Variants in PIK3R3 observed in about 807,000 individuals in gnomAD.
PIK3R3 encodes phosphatidylinositol 3-kinase regulatory subunit gamma.
Under a neutral mutation model 62.9 loss-of-function variants are expected in PIK3R3, and 64 were observed. That is an observed-to-expected ratio of 1.02 (90% confidence interval 0.83 to 1.25). The LOEUF (loss-of-function observed/expected upper bound fraction) is 1.25, where lower values mean the gene tolerates loss of function less well. PIK3R3 is among the 50% of genes most tolerant of loss of function. PIK3R3 has a pLI of 0.00. For missense variants in PIK3R3, 614 were observed against 561.6 expected (o/e 1.09, Z -0.94); for synonymous variants, 165 against 189.0 (o/e 0.87, Z 1.04).
chr1:46,143,891 C>T, the PIK3R3 span, among the ~76,000 whole-genome samples: 1 of 152,160 alleles, frequency 6.6e-6, no homozygotes, highest in African/African-American at 2.4e-5. Context: ...TTAGAACTTA[C>T]ATTTTCTATC....
At chr1:46,105,118 A>G in intron 1 of PIK3R3, 1 of 722,558 alleles carries the variant, frequency 1.4e-6, no homozygotes. Flanking sequence ...AAATTGGAAT[A>G]GAATGGAACC....
chr1:46,086,028 C>T (rs1651020698), intron 1 of PIK3R3, among the ~76,000 whole-genome samples: 1 of 152,158 alleles, frequency 6.6e-6, no homozygotes, highest in South Asian at 2.1e-4. Context: ...GCATGGGCCA[C>T]TCACGCCTGG....
At chr1:46,078,821 A>G (rs1469618599) in intron 2 of PIK3R3, among the ~76,000 whole-genome samples, 1 of 152,240 alleles carries the variant, frequency 6.6e-6, no homozygotes, top group African/African-American at 2.4e-5. Flanking sequence ...GACACATGCT[A>G]CAACATGAAT....
chr1:46,148,681 G>C, the PIK3R3 span, among the ~76,000 whole-genome samples: 1 of 151,684 alleles, frequency 6.6e-6, no homozygotes, highest in Non-Finnish European at 1.5e-5. Context: ...AATAAAATCT[G>C]AGCAGAACAA....
At chr1:46,127,296 C>G (rs1354751693) in intron 1 of PIK3R3, among the ~76,000 whole-genome samples, 1 of 148,904 alleles carries the variant, frequency 6.7e-6, no homozygotes, top group Non-Finnish European at 1.5e-5. Flanking sequence ...GAGCCATGAT[C>G]ATGCCACTGT....
Position 46,061,958 on chromosome 1 carries a change from G to A in PIK3R3, c.735C>T (p.Arg245=), listed in dbSNP as rs1190856509. 1.2e-6 allele frequency: 2 copies of A among 1,613,324 alleles called. No homozygotes were observed. The highest frequency in any genetic ancestry group is 2.2e-5 in the South Asian group (2 of 91,040). Reference sequence around the variant, plus strand: ...CAATCTCCTTTTCATTCCCCTCTCTGCGAAATCGCTCAATATATTCTTTGC... The same window carrying A: ...CAATCTCCTTTTCATTCCCCTCTCTACGAAATCGCTCAATATATTCTTTGC... ...QHSKEYIERF[R]REGNEKEIER... is the part of the protein sequence containing the mutation. The change falls in exon 6 of 10, where the codon CGC becomes CGT. Residue 245 remains arginine (R), a synonymous_variant. Coordinates refer to ENST00000262741, the MANE Select transcript of PIK3R3 (RefSeq NM_003629.4).
At position 46,132,468 on chromosome 1, in the gene PIK3R3, G is replaced by A. The variant is rs545190506; in HGVS notation, c.-516C>T. ...GTCTGCAGAGAGCGAATCCCCCAGA[G>A]GCCGGGACTCGGGCTCCTCTCCGGT... On this transcript the variant is annotated 5_prime_UTR_variant, in exon 1 of 10. Coordinates refer to ENST00000262741, the MANE Select transcript of PIK3R3 (RefSeq NM_003629.4). 7.0e-5 allele frequency: 84 copies of A among 1,199,172 alleles called. No individual in the cohort carries two copies. Among genetic ancestry groups the A allele is most frequent in the Non-Finnish European group, 8.3e-5 (79 of 946,230 alleles). 74.3% of individuals were successfully genotyped at this position (1,199,172 alleles called of 1,614,324 possible). A position where few individuals can be genotyped will look rare whatever the true frequency, so the allele number is the denominator to read the frequency against.
In PIK3R3 at chr1:46,102,821, A is replaced by C. The variant is rs1056433657; in HGVS notation, c.107-22071T>G. 2.7e-5 allele frequency among the ~76,000 whole-genome samples: 4 copies of C among 150,446 alleles called. 1 individual carries two copies. The highest frequency in any genetic ancestry group is 9.7e-5 in the African/African-American group (4 of 41,034). ...TATATCTTAAAAAAAAAAAAAAAAA[A>C]AAAAAAAAAACCTGAAAGCAGAGTC... On this transcript the variant is annotated intron_variant, in intron 1 of 9. Transcript: ENST00000262741.
At chr1:46,166,500 G>A in the PIK3R3 span, among the ~76,000 whole-genome samples, 2 of 152,162 alleles carry the variant, frequency 1.3e-5, no homozygotes, top group East Asian at 3.9e-4. Flanking sequence ...TGGGAGGCGT[G>A]AGCCACCACA....
chr1:46,051,521 A>G (rs964081443), intron 7 of PIK3R3, among the ~76,000 whole-genome samples: 1 of 152,114 alleles, frequency 6.6e-6, no homozygotes, highest in Non-Finnish European at 1.5e-5. Flanking sequence ...TCAGCCTCCC[A>G]AAGTGCTGGG....
intron 2 of PIK3R3, among the ~76,000 whole-genome samples, chr1:46,079,119 T>C (rs1650347018): frequency 6.6e-6 from 1 of 151,828 alleles, no homozygotes; most frequent in African/African-American, 2.4e-5. Context: ...AAAAATTAAA[T>C]AAATACCATT....
chr1:46,173,755 G>A, the PIK3R3 span, among the ~76,000 whole-genome samples: 21 of 152,266 alleles, frequency 1.4e-4, no homozygotes, highest in South Asian at 4.2e-4. Flanking sequence ...TGGAAGAGAT[G>A]ATGTCATCTG....
rs145814512 is a variant in PIK3R3 at position 46,113,740 on chromosome 1, T to C, written c.106+18107A>G. Among the ~76,000 whole-genome samples the C allele has an allele frequency of 2.4e-3, 369 of 152,360 alleles. 2 individuals are homozygous for C. Among genetic ancestry groups the C allele is most frequent in the African/African-American group, 8.6e-3 (357 of 41,582 alleles). On this transcript the variant is annotated intron_variant, in intron 1 of 9. Transcript: ENST00000262741. ...TTCTTCTATTGCTATACTTTGACAT[T>C]CATTCAATCAATATTTACTGAATAC...
intron 1 of PIK3R3, among the ~76,000 whole-genome samples, chr1:46,081,990 A>G (rs1456807682): frequency 6.6e-6 from 1 of 151,722 alleles, no homozygotes; most frequent in Non-Finnish European, 1.5e-5. Context: ...ATATGTGTTC[A>G]TGCAGATATA....
At chr1:46,103,174 G>C (rs1297983302) in intron 1 of PIK3R3, among the ~76,000 whole-genome samples, 1 of 152,184 alleles carries the variant, frequency 6.6e-6, no homozygotes, top group South Asian at 2.1e-4. Flanking sequence ...TAGGGGAAAC[G>C]ACGAGTCACT....
At chr1:46,132,753 GC>G, upstream of PIK3R3, 1 of 1,283,932 alleles carries the variant, frequency 7.8e-7, no homozygotes, top group South Asian at 1.2e-5. Context: ...CATCACCACC[GC>G]CCCTTCCACG....
chr1:46,109,835 C>T (rs1487625098), intron 1 of PIK3R3, among the ~76,000 whole-genome samples: 3 of 152,156 alleles, frequency 2.0e-5, no homozygotes, highest in Non-Finnish European at 4.4e-5. Context: ...TCAAATCTAA[C>T]CATAATGGTT....
the PIK3R3 span, among the ~76,000 whole-genome samples, chr1:46,157,204 G>C: frequency 6.6e-6 from 1 of 152,182 alleles, no homozygotes; most frequent in African/African-American, 2.4e-5. Flanking sequence ...TGTAACCTCA[G>C]CTCACTGAAA....
At chr1:46,070,406 C>T (rs771086214) in intron 3 of PIK3R3, among the ~76,000 whole-genome samples, 22 of 152,056 alleles carry the variant, frequency 1.4e-4, no homozygotes, top group Middle Eastern at 6.8e-3. Flanking sequence ...GAGTTCTCGT[C>T]TGACTGTGTC....
Sources: allele counts gnomAD v4.1 joint callset (sites outside exome capture counted in the v4.1 genomes callset), GRCh38; gene constraint gnomAD v4.1.1; transcripts MANE v1.5; gene names NCBI Gene and HGNC (gene_info 2026-07-23, HGNC 2026-07-21).